Variants in PTPRT observed in about 807,000 individuals in gnomAD.
The protein encoded by PTPRT is receptor-type tyrosine-protein phosphatase T.
Under a neutral mutation model 176.8 loss-of-function variants are expected in PTPRT, and 56 were observed. The observed-to-expected ratio is 0.32, with a 90% CI of 0.26 to 0.40. PTPRT has a LOEUF of 0.40. Among genes scored for constraint, PTPRT ranks in the 10% least tolerant of loss-of-function variants. The probability of loss-of-function intolerance (pLI) is 1.00; values close to 1 mark genes in which losing one functional copy is unlikely to be tolerated. For synonymous variants in PTPRT, 783 were observed against 739.0 expected (o/e 1.06, Z -0.96); for missense variants, 1,540 against 1,908.2 (o/e 0.81, Z 3.60).
At chr20:42,488,768 C>G (rs1222333422) in intron 7 of PTPRT, among the ~76,000 whole-genome samples, 1 of 151,878 alleles carries the variant, frequency 6.6e-6, no homozygotes, top group Non-Finnish European at 1.5e-5. Context: ...AATTCGAGAC[C>G]AGCCTGACCA....
chr20:42,614,902 T>A (rs1311706040), intron 7 of PTPRT, among the ~76,000 whole-genome samples: 3 of 150,258 alleles, frequency 2.0e-5, no homozygotes, highest in Admixed American at 2.0e-4. Flanking sequence ...AGAGGAACTC[T>A]CGGTTTTTTT....
chr20:42,942,592 G>A (rs1015870685), intron 1 of PTPRT, among the ~76,000 whole-genome samples: 5 of 152,138 alleles, frequency 3.3e-5, no homozygotes, highest in South Asian at 4.1e-4. Context: ...GTTCTCTCTC[G>A]TATCTCTGGT....
chr20:42,226,064 C>A (rs998019235), intron 15 of PTPRT, among the ~76,000 whole-genome samples: 8 of 152,182 alleles, frequency 5.3e-5, no homozygotes, highest in African/African-American at 1.9e-4. Context: ...GACTTCCTTG[C>A]CTTTGTTATG....
At chr20:42,255,730 G>A (rs1344675070) in intron 13 of PTPRT, among the ~76,000 whole-genome samples, 1 of 152,172 alleles carries the variant, frequency 6.6e-6, no homozygotes, top group Non-Finnish European at 1.5e-5. Context: ...AATTTTCCTT[G>A]TAAAGATATG....
At chr20:42,587,506 A>G (rs564086389) in intron 7 of PTPRT, among the ~76,000 whole-genome samples, 1 of 152,366 alleles carries the variant, frequency 6.6e-6, no homozygotes, top group African/African-American at 2.4e-5. Flanking sequence ...GACCCTGGTC[A>G]GACTCAACTC....
At chr20:42,923,154 C>T (rs948559984) in intron 1 of PTPRT, among the ~76,000 whole-genome samples, 1 of 151,934 alleles carries the variant, frequency 6.6e-6, no homozygotes, top group African/African-American at 2.4e-5. Flanking sequence ...GCATGTTCAG[C>T]CCCTGCACCT....
rs1293790183 is a variant in PTPRT, at chr20:42,472,470, G to A, written c.1246C>T (p.Arg416Cys). 11 of 1,614,252 alleles carry A rather than the reference G, an allele frequency of 6.8e-6. No homozygotes were observed. Among genetic ancestry groups the A allele is most frequent in the South Asian group, 2.2e-5 (2 of 91,086 alleles). Residue 416 changes from arginine (R) to cysteine (C), a missense_variant, in exon 8 of 31, where the codon CGC (arginine) becomes TGC (cysteine). Physicochemically the swap from Arg to Cys is radical, Grantham distance 180. Around this residue, in one of 11 missense-constraint regions of PTPRT, gnomAD observed 79 missense variants for 80.0 expected, o/e 0.99. Coordinates refer to ENST00000373187, the MANE Select transcript of PTPRT (RefSeq NM_007050.6). ...QWEPFGYAVT[R>C]CHSYNLTVQY... ...ACGGTGAGGTTGTAGCTATGGCAGCGGGTCACCGCGTAGCCGAAGGGCTCC... is the reference window on the plus strand; with the variant it reads ...ACGGTGAGGTTGTAGCTATGGCAGCAGGTCACCGCGTAGCCGAAGGGCTCC...
intron 23 of PTPRT, among the ~76,000 whole-genome samples, chr20:42,107,677 G>A (rs1410873109): frequency 6.6e-6 from 1 of 152,198 alleles, no homozygotes; most frequent in Non-Finnish European, 1.5e-5. Context: ...GTGCAGTTTT[G>A]GATGGGAAGG....
At chr20:42,393,624 T>C (rs2425484) in intron 9 of PTPRT, among the ~76,000 whole-genome samples, 25,104 of 152,156 alleles carry the variant, frequency 0.16, 2,194 homozygotes, top group South Asian at 0.2. Context: ...CTGCATCTCT[T>C]TCAAAGTAAA....
chr20:42,239,579 C>T (rs1012186280), intron 14 of PTPRT, among the ~76,000 whole-genome samples: 4 of 151,810 alleles, frequency 2.6e-5, no homozygotes, highest in African/African-American at 4.8e-5. Context: ...CCCACCACCA[C>T]GCCTGGCTAA....
At chr20:42,083,156 TGAGAGAGA>T (rs773794572) in intron 29 of PTPRT, among the ~76,000 whole-genome samples, 3 of 74,434 alleles carry the variant, frequency 4.0e-5, no homozygotes, top group East Asian at 4.7e-4. Flanking sequence ...AAAACAAACA[TGAGAGAGA>T]GAGAGAGGAG....
rs564263557 is a variant in PTPRT, at chr20:42,670,060, T to C, written c.1153+7806A>G. Among the ~76,000 whole-genome samples, 5 of 152,228 alleles carry C rather than the reference T, an allele frequency of 3.3e-5. No individual in the cohort carries two copies. The South Asian group carries it at 1.0e-3, about 32-fold the overall frequency. On this transcript the variant is annotated intron_variant, in intron 7 of 30. Transcript: ENST00000373187. ...GCACACAGCCACATGTCTTACCTTC[T>C]CAGCAGTGATCAGAGCTTGTTGCTA...
the PTPRT span, among the ~76,000 whole-genome samples, chr20:42,051,697 T>A: frequency 6.6e-6 from 1 of 152,204 alleles, no homozygotes; most frequent in Admixed American, 6.5e-5. Flanking sequence ...AATACTGAGA[T>A]AATATTCTCA....
At chr20:42,992,238 G>C (rs1181621095) in intron 1 of PTPRT, among the ~76,000 whole-genome samples, 1 of 152,196 alleles carries the variant, frequency 6.6e-6, no homozygotes, top group Admixed American at 6.5e-5. Context: ...ATGAGAGAAA[G>C]AACTTGAGGT....
chr20:42,438,666 T>C (rs183246095), intron 9 of PTPRT, among the ~76,000 whole-genome samples: 5 of 152,306 alleles, frequency 3.3e-5, no homozygotes, highest in Admixed American at 3.3e-4. Flanking sequence ...CAAGCATACT[T>C]ATTCACATGT....
intron 1 of PTPRT, among the ~76,000 whole-genome samples, chr20:42,902,966 A>C (rs1053153986): frequency 1.3e-5 from 2 of 152,208 alleles, no homozygotes; most frequent in Non-Finnish European, 2.9e-5. Flanking sequence ...AGTGATTGAA[A>C]GCTATGACCT....
At chr20:43,143,713 G>A (rs2014086533) in intron 1 of PTPRT, among the ~76,000 whole-genome samples, 1 of 152,154 alleles carries the variant, frequency 6.6e-6, no homozygotes, top group Admixed American at 6.5e-5. Flanking sequence ...TGATATCTAT[G>A]GAATCCAAGC....
At chr20:43,055,171 A>G (rs1212973503) in intron 1 of PTPRT, among the ~76,000 whole-genome samples, 4 of 152,232 alleles carry the variant, frequency 2.6e-5, no homozygotes, top group Non-Finnish European at 5.9e-5. Flanking sequence ...AATCTTAATG[A>G]GCATCCAAGT....
intron 7 of PTPRT, among the ~76,000 whole-genome samples, chr20:42,620,021 G>A (rs909149107): frequency 2.0e-5 from 3 of 150,264 alleles, no homozygotes; most frequent in Non-Finnish European, 4.4e-5. Context: ...GGCGCTCTGC[G>A]TTTTAGAATT....
Sources: gnomAD v4.1 joint callset for allele counts (sites outside exome capture counted in the v4.1 genomes callset) on GRCh38, gnomAD v4.1.1 for gene constraint, gnomAD v4.1.1 regional missense constraint, MANE v1.5 for transcripts, NCBI Gene and HGNC (gene_info 2026-07-23, HGNC 2026-07-21) for gene names.